Variants in OTOGL observed in about 807,000 individuals in gnomAD.
OTOGL encodes otogelin-like protein.
In OTOGL, 285 loss-of-function variants were observed where a neutral mutation model predicts 318.5. The observed-to-expected ratio is 0.89, with a 90% CI of 0.81 to 0.99. OTOGL has a LOEUF of 0.99. Among genes scored for constraint, OTOGL ranks in the 50% least tolerant of loss-of-function variants. The probability of loss-of-function intolerance (pLI) is 0.00; values close to 1 mark genes in which losing one functional copy is unlikely to be tolerated. For missense variants in OTOGL, 2,899 were observed against 2,845.6 expected (o/e 1.02, Z -0.43); for synonymous variants, 987 against 936.5 (o/e 1.05, Z -0.99).
At chr12:80,248,308 G>T (rs1398986993) in intron 11 of OTOGL, among the ~76,000 whole-genome samples, 2 of 147,038 alleles carry the variant, frequency 1.4e-5, no homozygotes, top group African/African-American at 5.1e-5. Context: ...GGTACCAGTT[G>T]TTCCTTTCCA....
intron 1 of OTOGL, among the ~76,000 whole-genome samples, chr12:80,114,323 C>G (rs187672107): frequency 6.6e-6 from 1 of 152,252 alleles, no homozygotes; most frequent in East Asian, 1.9e-4. Flanking sequence ...GACAAAATCC[C>G]TCAGCATTTG....
chr12:80,115,578 C>T (rs1870109123), intron 1 of OTOGL, among the ~76,000 whole-genome samples: 1 of 152,160 alleles, frequency 6.6e-6, no homozygotes, highest in Middle Eastern at 3.2e-3. Context: ...AAGCACTGTG[C>T]TGGGAAATCC....
chr12:80,126,588 G>A (rs1162789309), intron 1 of OTOGL, among the ~76,000 whole-genome samples: 13 of 152,136 alleles, frequency 8.5e-5, no homozygotes, highest in African/African-American at 2.6e-4. Context: ...CAATTCCTGG[G>A]TATCCTTGTT....
At chr12:80,141,360 AT>A (rs1871931941) in intron 1 of OTOGL, among the ~76,000 whole-genome samples, 1 of 152,082 alleles carries the variant, frequency 6.6e-6, no homozygotes, top group Non-Finnish European at 1.5e-5. Flanking sequence ...AATAAGAATC[AT>A]TTTTCAACCA....
chr12:80,229,433 C>T lies in OTOGL; in HGVS notation c.611+55C>T, dbSNP rs969052813. The T allele has an allele frequency of 2.7e-5, 42 of 1,529,164 alleles. No homozygotes were observed. The East Asian group carries it at 9.3e-4, about 34-fold the overall frequency. 94.7% of individuals were successfully genotyped at this position (1,529,164 alleles called of 1,614,324 possible). The stretch of plus-strand genomic sequence containing the variant: ...TAACACCACAAATTAATAGAATTTC[C>T]AAACATCACATGCTGGAAGTGAACT... On this transcript the variant is annotated intron_variant, in intron 8 of 58. Coordinates refer to ENST00000547103, the MANE Select transcript of OTOGL (RefSeq NM_001378609.3).
At position 80,370,669 on chromosome 12, in the gene OTOGL, A is replaced by T; in HGVS notation, c.6715A>T (p.Asn2239Tyr). The T allele has an allele frequency of 6.3e-7, 1 of 1,582,442 alleles. No homozygotes were observed. Among genetic ancestry groups the T allele is most frequent in the Non-Finnish European group, 8.6e-7 (1 of 1,160,540 alleles). Residue 2239 changes from asparagine (N) to tyrosine (Y), a missense_variant, in exon 56 of 59, where the codon AAT becomes TAT. Asn to Tyr is a moderately radical substitution (Grantham distance 143). Transcript: ENST00000547103. Reference protein sequence around the residue: ...LNYTMVCPPFNETECKMNEGI... With the variant: ...LNYTMVCPPFYETECKMNEGI... ...CTACACAATGGTCTGTCCCCCTTTT[A>T]ATGAGACTGAATGCAAAATGGTTTG...
chr12:80,179,350 T>C (rs1008514089), intron 1 of OTOGL, among the ~76,000 whole-genome samples: 17 of 152,186 alleles, frequency 1.1e-4, no homozygotes, highest in Non-Finnish European at 4.4e-5. Flanking sequence ...TTCATTAAAC[T>C]GAATTTGATC....
rs1869494596 is a variant in OTOGL at position 80,107,010 on chromosome 12, A to G, written c.-20+7405A>G. On this transcript the variant is annotated intron_variant, in intron 1 of 58. Coordinates refer to ENST00000547103, the MANE Select transcript of OTOGL (RefSeq NM_001378609.3). ...AAATGTGTGTCTTCTAACCATTTAT[A>G]AATTTTATAGTAATTTATATTGAAT... is the stretch of plus-strand genomic sequence containing the variant. Among the ~76,000 whole-genome samples the G allele has an allele frequency of 2.0e-5, 3 of 152,118 alleles. No individual in the cohort carries two copies. In the South Asian group the frequency reaches 6.2e-4, roughly 31 times the overall value.
intron 1 of OTOGL, chr12:80,189,481 C>T (rs1443947931): frequency 2.9e-5 from 29 of 983,606 alleles, no homozygotes; most frequent in Non-Finnish European, 3.5e-5. Flanking sequence ...TTTAACTTCT[C>T]CTGCCCCCTT....
chr12:80,192,609 C>A (rs1204460532), intron 1 of OTOGL, among the ~76,000 whole-genome samples: 3 of 152,194 alleles, frequency 2.0e-5, no homozygotes, highest in Non-Finnish European at 4.4e-5. Context: ...TGAAGCATTA[C>A]CCAACTGCCA....
intron 1 of OTOGL, among the ~76,000 whole-genome samples, chr12:80,191,146 A>G (rs1368870207): frequency 2.0e-5 from 3 of 152,190 alleles, no homozygotes; most frequent in African/African-American, 7.2e-5. Flanking sequence ...CTTTAAAATT[A>G]TTGGATACTG....
At chr12:80,243,839 A>G (rs1338981662) in intron 11 of OTOGL, among the ~76,000 whole-genome samples, 1 of 140,166 alleles carries the variant, frequency 7.1e-6, no homozygotes, top group Non-Finnish European at 1.5e-5. Flanking sequence ...TATATATAAT[A>G]TAATCATATA....
intron 1 of OTOGL, among the ~76,000 whole-genome samples, chr12:80,191,523 A>C (rs1273010886): frequency 6.6e-6 from 1 of 152,242 alleles, no homozygotes; most frequent in East Asian, 1.9e-4. Flanking sequence ...AATTTTTATA[A>C]ACCATATACT....
At chr12:80,114,730 C>G (rs1477396516) in intron 1 of OTOGL, among the ~76,000 whole-genome samples, 2 of 152,096 alleles carry the variant, frequency 1.3e-5, no homozygotes, top group African/African-American at 4.8e-5. Context: ...GTTCCATTCT[C>G]CCCATCACTT....
intron 44 of OTOGL, 89 bp downstream of exon 44, chr12:80,342,251 T>TCAGTAGAAGAACATTA: frequency 9.5e-7 from 1 of 1,047,532 alleles, no homozygotes; most frequent in Non-Finnish European, 1.4e-6. Context: ...TATAATGTTC[T>TCAGTAGAAGAACATTA]TCTACTGAGA....
chr12:80,348,029 T>G (rs1274620197), intron 44 of OTOGL, among the ~76,000 whole-genome samples: 10 of 152,238 alleles, frequency 6.6e-5, no homozygotes, highest in African/African-American at 2.2e-4. Context: ...TAGCCCTTTG[T>G]CAGATGGATA....
intron 57 of OTOGL, 118 bp from the exon 58 acceptor site, chr12:80,377,005 C>G: frequency 1.7e-6 from 1 of 586,074 alleles, no homozygotes; most frequent in South Asian, 4.0e-5. Context: ...TCTTTCAATA[C>G]TGGAATATAT....
intron 1 of OTOGL, among the ~76,000 whole-genome samples, chr12:80,181,594 A>G (rs1303144429): frequency 6.6e-6 from 1 of 151,996 alleles, no homozygotes; most frequent in East Asian, 1.9e-4. Context: ...CCGTTGGAGT[A>G]TCATAGGTGT....
rs1233024786 is a variant in OTOGL, at chr12:80,211,954, G to A, written c.125G>A (p.Gly42Glu). ...SSILMGTSKNGFNENRQKRAL... is the reference protein window; with the variant it reads ...SSILMGTSKNEFNENRQKRAL... ...TTCTTTTTGTTTTCTTCCAGAAACG[G>A]GTTTAATGAAAATCGACAGAAAAGA... Residue 42 changes from glycine to glutamate, a missense_variant, in exon 4 of 59, where the codon GGG becomes GAG. Gly to Glu is a moderately conservative substitution (Grantham distance 98). This residue lies in a region of OTOGL where 2,607 missense variants were observed against 2,524.9 expected (regional missense o/e 1.03). Coordinates refer to ENST00000547103, the MANE Select transcript of OTOGL (RefSeq NM_001378609.3). 1 of 1,570,522 alleles carries A rather than the reference G, an allele frequency of 6.4e-7. No individual in the cohort carries two copies. Among genetic ancestry groups the A allele is most frequent in the Middle Eastern group, 1.7e-4 (1 of 6,020 alleles).
Sources: allele counts gnomAD v4.1 joint callset (sites outside exome capture counted in the v4.1 genomes callset), GRCh38; gene constraint gnomAD v4.1.1; regional missense constraint gnomAD v4.1.1; transcripts MANE v1.5; gene names NCBI Gene and HGNC (gene_info 2026-07-23, HGNC 2026-07-21).